The following ADGRL2 variants were observed in gnomAD, a reference collection of about 807,000 sequenced individuals.
ADGRL2 encodes the protein adhesion G protein-coupled receptor L2, also known as calcium-independent alpha-latrotoxin receptor 2.
Under a neutral mutation model 157.4 loss-of-function variants are expected in ADGRL2, and 44 were observed. The ratio of observed to expected loss-of-function variants is 0.28; its 90% CI spans 0.22 to 0.36. ADGRL2 has a LOEUF of 0.36. Ranked by LOEUF, ADGRL2 falls within the 10% of genes least tolerant of loss-of-function variation. The probability of loss-of-function intolerance (pLI) is 1.00; values close to 1 mark genes in which losing one functional copy is unlikely to be tolerated. For synonymous variants in ADGRL2, 585 were observed against 624.7 expected (o/e 0.94, Z 0.95); for missense variants, 1,510 against 1,768.9 (o/e 0.85, Z 2.63).
At chr1:81,376,487 G>A (rs2076252112) in intron 1 of ADGRL2, among the ~76,000 whole-genome samples, 2 of 152,030 alleles carry the variant, frequency 1.3e-5, no homozygotes, top group South Asian at 4.2e-4. Flanking sequence ...AATACAATGA[G>A]TCTCGCCATG....
At chr1:81,546,967 T>C (rs1177859249) in intron 2 of ADGRL2, among the ~76,000 whole-genome samples, 1 of 152,190 alleles carries the variant, frequency 6.6e-6, no homozygotes, top group Admixed American at 6.5e-5. Flanking sequence ...ACTCAATTCT[T>C]ACAGTGTTTC....
At chr1:81,625,055 A>G (rs2081882084) in intron 3 of ADGRL2, among the ~76,000 whole-genome samples, 1 of 152,188 alleles carries the variant, frequency 6.6e-6, no homozygotes, top group Non-Finnish European at 1.5e-5. Flanking sequence ...TCTATAATAT[A>G]CAATTAATCC....
chr1:81,666,038 A>C (rs532106689), intron 3 of ADGRL2, among the ~76,000 whole-genome samples: 11 of 152,320 alleles, frequency 7.2e-5, no homozygotes, highest in African/African-American at 2.6e-4. Flanking sequence ...CTTCCTAAAC[A>C]ATCAAACAAA....
intron 6 of ADGRL2, among the ~76,000 whole-genome samples, chr1:81,948,306 T>C (rs1650595566): frequency 6.6e-6 from 1 of 151,930 alleles, no homozygotes; most frequent in South Asian, 2.1e-4. Flanking sequence ...GAATGTTGCA[T>C]GAAATTTTGC....
Position 81,874,445 on chromosome 1 carries a change from G to T in ADGRL2, c.74-32572G>T, listed in dbSNP as rs548124202. On this transcript the variant is annotated intron_variant, in intron 2 of 23. Coordinates refer to ENST00000686636, the MANE Select transcript of ADGRL2 (RefSeq NM_001366006.2). The stretch of plus-strand genomic sequence containing the variant: ...ATTATGAAGGTAACTAGAGGTACCT[G>T]CCTCTTTTCCTCTTAATGAAATTAG... Among the ~76,000 whole-genome samples, 6 of 152,286 alleles carry T rather than the reference G, an allele frequency of 3.9e-5. No individual in the cohort carries two copies. In the South Asian group the frequency reaches 1.2e-3, roughly 32 times the overall value.
intron 1 of ADGRL2, among the ~76,000 whole-genome samples, chr1:81,825,466 A>AGAG (rs1274917722): frequency 1.3e-5 from 2 of 151,972 alleles, no homozygotes; most frequent in Admixed American, 6.6e-5. Flanking sequence ...CCCCTGCCTC[A>AGAG]GCCTCCCAAG....
chr1:81,583,115 G>T (rs2080951171), intron 3 of ADGRL2, among the ~76,000 whole-genome samples: 1 of 152,098 alleles, frequency 6.6e-6, no homozygotes, highest in Admixed American at 6.6e-5. Context: ...TATTGATTCA[G>T]CCATGTAAAG....
intron 3 of ADGRL2, among the ~76,000 whole-genome samples, chr1:81,919,491 T>A (rs540039382): frequency 1.3e-5 from 2 of 152,110 alleles, no homozygotes; most frequent in Non-Finnish European, 2.9e-5. Context: ...TTTAAGTTAC[T>A]TTTCCTTAGT....
intron 1 of ADGRL2, among the ~76,000 whole-genome samples, chr1:81,332,382 G>T (rs1478242217): frequency 6.6e-6 from 1 of 151,998 alleles, no homozygotes; most frequent in African/African-American, 2.4e-5. Flanking sequence ...TTTTAGCAGA[G>T]CTTGGTAATC....
At chr1:81,763,942 G>T (rs1291710743) in intron 2 of ADGRL2, among the ~76,000 whole-genome samples, 1 of 148,110 alleles carries the variant, frequency 6.8e-6, no homozygotes, top group Non-Finnish European at 1.5e-5. Context: ...GGAGGCGGAT[G>T]TTGCAGTGAG....
intron 2 of ADGRL2, among the ~76,000 whole-genome samples, chr1:81,564,336 C>T (rs2080511402): frequency 6.6e-6 from 1 of 152,188 alleles, no homozygotes; most frequent in African/African-American, 2.4e-5. Flanking sequence ...TCAGGCCTCT[C>T]ATGAGGCTGC....
chr1:81,423,038 T>C (rs537307424), intron 1 of ADGRL2, among the ~76,000 whole-genome samples: 1 of 152,318 alleles, frequency 6.6e-6, no homozygotes, highest in Non-Finnish European at 1.5e-5. Flanking sequence ...AGACCAACCA[T>C]TGAGACCAAC....
chr1:81,398,961 A>G (rs1392142731), intron 1 of ADGRL2, among the ~76,000 whole-genome samples: 1 of 152,192 alleles, frequency 6.6e-6, no homozygotes, highest in Non-Finnish European at 1.5e-5. Context: ...GTCTGTTTTC[A>G]CACTACTATC....
rs989817080 is a variant in ADGRL2 at position 81,653,651 on chromosome 1, A to G, written c.-143+72671A>G. Among the ~76,000 whole-genome samples, 14 of 152,304 alleles carry G rather than the reference A, an allele frequency of 9.2e-5. No homozygotes were observed. The South Asian group carries it at 2.5e-3, about 27-fold the overall frequency. On this transcript the variant is annotated intron_variant, in intron 3 of 24. Transcript: ENST00000370721. ...GGAAAAAAATATAATTTCTATTTCT[A>G]TTCATTCTTTTATATGTGTATCTTT...
At chr1:81,907,400 A>G (rs1461917615) in intron 3 of ADGRL2, among the ~76,000 whole-genome samples, 170 bp downstream of exon 3, 1 of 152,224 alleles carries the variant, frequency 6.6e-6, no homozygotes, top group Non-Finnish European at 1.5e-5. Context: ...TTTCATCAAC[A>G]TTCAAATATG....
chr1:81,398,607 C>G (rs1454303761), intron 1 of ADGRL2, among the ~76,000 whole-genome samples: 2 of 152,104 alleles, frequency 1.3e-5, no homozygotes, highest in African/African-American at 4.8e-5. Context: ...TTTTGCTTGT[C>G]TGGGAAATAC....
rs10653806 is a variant in ADGRL2, at chr1:81,822,028, C to CTTTTTTT, written c.-100-14848_-100-14842dup. Among the ~76,000 whole-genome samples the CTTTTTTT allele has an allele frequency of 1.3e-3, 160 of 125,106 alleles. 12 individuals are homozygous for CTTTTTTT. The highest frequency in any genetic ancestry group is 1.4e-3 in the Non-Finnish European group (90 of 62,266). The allele number at this position is 125,106 out of a possible 152,430, so 82.1% of individuals were successfully genotyped here. ...TGTGCATTATAGGTAATATCAGAAA[C>CTTTTTTT]TTTTTTTTTTTTTTTGCAAAGCATA... is the stretch of plus-strand genomic sequence containing the variant. On this transcript the variant is annotated intron_variant, in intron 1 of 23. Transcript: ENST00000686636.
chr1:81,597,488 G>T (rs745842094), intron 3 of ADGRL2, among the ~76,000 whole-genome samples: 19 of 152,142 alleles, frequency 1.2e-4, no homozygotes, highest in Non-Finnish European at 2.6e-4. Context: ...TTTATTTAGT[G>T]TTTCACAATT....
intron 1 of ADGRL2, among the ~76,000 whole-genome samples, chr1:81,708,889 C>A (rs940053301): frequency 1.3e-5 from 2 of 152,014 alleles, no homozygotes; most frequent in Admixed American, 1.3e-4. Flanking sequence ...GCTTACCTTG[C>A]CTTGAAACAC....
Sources: allele counts gnomAD v4.1 joint callset (sites outside exome capture counted in the v4.1 genomes callset), GRCh38; gene constraint gnomAD v4.1.1; transcripts MANE v1.5; gene names NCBI Gene and HGNC (gene_info 2026-07-23, HGNC 2026-07-21).